The following OSBPL1A variants were observed in gnomAD, a reference collection of about 807,000 sequenced individuals.
OSBPL1A encodes the protein oxysterol-binding protein-related protein 1.
OSBPL1A carries 80 observed loss-of-function variants against 137.1 expected under a neutral mutation model. The observed-to-expected ratio is 0.58, with a 90% confidence interval of 0.49 to 0.70. The LOEUF (loss-of-function observed/expected upper bound fraction) is 0.70, where lower values mean the gene tolerates loss of function less well. OSBPL1A is among the 30% of genes least tolerant of loss of function. OSBPL1A has a pLI of 0.00. For missense variants in OSBPL1A, 970 were observed against 1,129.4 expected (o/e 0.86, Z 2.02); for synonymous variants, 365 against 389.7 (o/e 0.94, Z 0.75).
intron 15 of OSBPL1A, among the ~76,000 whole-genome samples, chr18:24,261,574 C>T (rs546332098): frequency 2.6e-5 from 4 of 152,224 alleles, no homozygotes; most frequent in Non-Finnish European, 4.4e-5. Flanking sequence ...GGCTCACACC[C>T]GTAATCCCAG....
In OSBPL1A at chr18:24,178,227, A is replaced by G. The variant is rs745559533; in HGVS notation, c.1911-32T>C. 2.7e-6 allele frequency: 4 copies of G among 1,481,044 alleles called. No homozygotes were observed. In the East Asian group the frequency reaches 7.0e-5, roughly 26 times the overall value. 91.7% of individuals were successfully genotyped at this position (1,481,044 alleles called of 1,614,324 possible). A position where few individuals can be genotyped will look rare whatever the true frequency, so the allele number is the denominator to read the frequency against. On this transcript the variant is annotated intron_variant, in intron 20 of 27. Coordinates refer to ENST00000319481, the MANE Select transcript of OSBPL1A (RefSeq NM_080597.4). Reference sequence around the variant, plus strand: ...ATTTAAAAAAAAAAAAAAAGAAAAAAAAAAGCAACATTATAATTAACTCTA... The same window carrying G: ...ATTTAAAAAAAAAAAAAAAGAAAAAGAAAAGCAACATTATAATTAACTCTA...
chr18:24,380,015 T>A (rs1182564214), intron 1 of OSBPL1A, among the ~76,000 whole-genome samples: 1 of 152,124 alleles, frequency 6.6e-6, no homozygotes, highest in Non-Finnish European at 1.5e-5. Context: ...ACAAAAGATA[T>A]CAGGTAATAA....
intron 4 of OSBPL1A, among the ~76,000 whole-genome samples, chr18:24,344,872 G>A (rs1222987687): frequency 6.6e-6 from 1 of 152,142 alleles, no homozygotes; most frequent in Non-Finnish European, 1.5e-5. Flanking sequence ...AGAATGCAGT[G>A]GCACTACCTC....
chr18:24,222,026 T>C (rs1195192753), intron 17 of OSBPL1A, among the ~76,000 whole-genome samples: 2 of 152,174 alleles, frequency 1.3e-5, no homozygotes, highest in African/African-American at 2.4e-5. Context: ...CTAAGTTTTA[T>C]GTGTGTGTGT....
At chr18:24,384,957 ATT>A (rs199508399) in intron 1 of OSBPL1A, among the ~76,000 whole-genome samples, 40 of 143,930 alleles carry the variant, frequency 2.8e-4, no homozygotes, top group Admixed American at 6.2e-4. Context: ...ATAGGTTAGA[ATT>A]TTTTTTTTTT....
At chr18:24,359,694 A>T (rs1568052234) in intron 4 of OSBPL1A, among the ~76,000 whole-genome samples, 1 of 152,034 alleles carries the variant, frequency 6.6e-6, no homozygotes. Context: ...ATAAATAAAA[A>T]TTAAAAAAAA....
chr18:24,319,311 C>T (rs1342612756), intron 7 of OSBPL1A, among the ~76,000 whole-genome samples: 1 of 152,184 alleles, frequency 6.6e-6, no homozygotes, highest in Non-Finnish European at 1.5e-5. Context: ...AGCCCTCCCT[C>T]CTATCAGGAG....
intron 16 of OSBPL1A, among the ~76,000 whole-genome samples, chr18:24,227,119 C>G (rs144135904): frequency 6.6e-6 from 1 of 152,110 alleles, no homozygotes; most frequent in East Asian, 1.9e-4. Context: ...TCTCAGACTC[C>G]TAACCTCAGG....
At chr18:24,270,045 T>C (rs539910939) in intron 15 of OSBPL1A, among the ~76,000 whole-genome samples, 1 of 152,320 alleles carries the variant, frequency 6.6e-6, no homozygotes, top group Admixed American at 6.5e-5. Context: ...ATATATAAAA[T>C]AAACTGAAAA....
In OSBPL1A at chr18:24,178,202, A is replaced by AT. The variant is rs748270310; in HGVS notation, c.1911-8dup. On this transcript the variant is annotated splice_polypyrimidine_tract_variant and splice_region_variant and intron_variant, in intron 20 of 27. Coordinates refer to ENST00000319481, the MANE Select transcript of OSBPL1A (RefSeq NM_080597.4). The stretch of plus-strand genomic sequence containing the variant: ...TCTAAATCCAAGGTCATCTCTTAAG[A>AT]TTTAAAAAAAAAAAAAAAGAAAAAA... 3.6e-6 allele frequency: 5 copies of AT among 1,389,714 alleles called. No homozygotes were observed. The highest frequency in any genetic ancestry group is 1.5e-5 in the South Asian group (1 of 67,718). The allele number at this position is 1,389,714 out of a possible 1,614,324, so 86.1% of individuals were successfully genotyped here. A position where few individuals can be genotyped will look rare whatever the true frequency, so the allele number is the denominator to read the frequency against.
At chr18:24,311,723 A>C (rs1181378700) in intron 13 of OSBPL1A, among the ~76,000 whole-genome samples, 3 of 152,218 alleles carry the variant, frequency 2.0e-5, no homozygotes, top group Non-Finnish European at 4.4e-5. Context: ...TGTTAACAGC[A>C]ACGTAAAAAG....
chr18:24,204,239 C>T (rs532537736), intron 17 of OSBPL1A, among the ~76,000 whole-genome samples: 19 of 152,248 alleles, frequency 1.2e-4, no homozygotes, highest in African/African-American at 3.6e-4. Flanking sequence ...GGTCTGACTG[C>T]GGTAATGATG....
chr18:24,287,590 T>C (rs1443546629), intron 14 of OSBPL1A, among the ~76,000 whole-genome samples: 1 of 151,906 alleles, frequency 6.6e-6, no homozygotes, highest in Non-Finnish European at 1.5e-5. Flanking sequence ...CTGGCCAACA[T>C]GGTGAAACCC....
At chr18:24,315,969 C>T (rs2090728354) in intron 11 of OSBPL1A, among the ~76,000 whole-genome samples, 1 of 144,562 alleles carries the variant, frequency 6.9e-6, no homozygotes, top group Non-Finnish European at 1.5e-5. Context: ...CCAAAATTAC[C>T]TGACATACGG....
At chr18:24,274,617 G>A (rs1395631007) in intron 15 of OSBPL1A, among the ~76,000 whole-genome samples, 4 of 151,928 alleles carry the variant, frequency 2.6e-5, no homozygotes, top group Admixed American at 6.6e-5. Flanking sequence ...TGCTTTAGAA[G>A]GTGGCTGAGG....
At chr18:24,290,718 A>G (rs996057402) in intron 14 of OSBPL1A, among the ~76,000 whole-genome samples, 1 of 152,086 alleles carries the variant, frequency 6.6e-6, no homozygotes, top group African/African-American at 2.4e-5. Context: ...ATAAAACAAA[A>G]CACAACAACA....
At chr18:24,219,184 C>A (rs558439252) in intron 17 of OSBPL1A, among the ~76,000 whole-genome samples, 7 of 151,966 alleles carry the variant, frequency 4.6e-5, no homozygotes, top group Admixed American at 4.6e-4. Flanking sequence ...CACAGCTACT[C>A]AAGAGGCTGA....
intron 7 of OSBPL1A, among the ~76,000 whole-genome samples, chr18:24,329,023 G>C (rs1039778750): frequency 2.6e-5 from 4 of 152,132 alleles, no homozygotes; most frequent in African/African-American, 4.8e-5. Context: ...GAGCATAACA[G>C]CCAGTCAAGC....
chr18:24,181,138 C>T lies in OSBPL1A; in HGVS notation c.1812+7G>A. ...AGAGTTAGACCTTTTCCTCCCTTGG[C>T]TCATACCTGCATCCTTTCCACAGGA... is the stretch of plus-strand genomic sequence containing the variant. On this transcript the variant is annotated splice_region_variant and intron_variant, in intron 19 of 27. Coordinates refer to ENST00000319481, the MANE Select transcript of OSBPL1A (RefSeq NM_080597.4). 11 of 1,613,186 alleles carry T rather than the reference C, an allele frequency of 6.8e-6. No homozygotes were observed. The highest frequency in any genetic ancestry group is 9.3e-6 in the Non-Finnish European group (11 of 1,179,630).
Sources: gnomAD v4.1 joint callset for allele counts (sites outside exome capture counted in the v4.1 genomes callset) on GRCh38, gnomAD v4.1.1 for gene constraint, MANE v1.5 for transcripts, NCBI Gene and HGNC (gene_info 2026-07-23, HGNC 2026-07-21) for gene names.